The following LRP1B variants were observed in gnomAD, a reference collection of about 807,000 sequenced individuals.
The protein encoded by LRP1B is LDL receptor related protein 1B.
Under a neutral mutation model 556.6 loss-of-function variants are expected in LRP1B, and 217 were observed. The observed-to-expected ratio is 0.39, with a 90% CI of 0.35 to 0.44. The LOEUF (loss-of-function observed/expected upper bound fraction) is 0.44, where lower values mean the gene tolerates loss of function less well. Ranked by LOEUF, LRP1B falls within the 20% of genes least tolerant of loss-of-function variation. The probability of loss-of-function intolerance (pLI) is 1.00; values close to 1 mark genes in which losing one functional copy is unlikely to be tolerated. For missense variants in LRP1B, 5,053 were observed against 5,620.8 expected (o/e 0.90, Z 3.23); for synonymous variants, 2,047 against 1,865.8 (o/e 1.10, Z -2.50).
intron 3 of LRP1B, among the ~76,000 whole-genome samples, chr2:141,341,179 C>G (rs1431326437): frequency 6.6e-6 from 1 of 152,164 alleles, no homozygotes; most frequent in Admixed American, 6.5e-5. Context: ...GGCTAATCTG[C>G]AGATGAAGTA....
chr2:141,229,073 T>TA, intron 6 of LRP1B, 110 bp downstream of exon 6: 2 of 1,075,592 alleles, frequency 1.9e-6, no homozygotes, highest in Non-Finnish European at 2.8e-6. Flanking sequence ...TATTTGCACA[T>TA]ACAGCTTTCC....
In LRP1B at chr2:140,772,683, C is replaced by T. The variant is rs1448224014; in HGVS notation, c.5501-1677G>A. Among the ~76,000 whole-genome samples, 3 of 152,064 alleles carry T rather than the reference C, an allele frequency of 2.0e-5. No individual in the cohort carries two copies. The East Asian group carries it at 5.8e-4, about 29-fold the overall frequency. ...AAAGCATGGGTATATTAATGTAATG[C>T]CAATCTTTTAGAGAGTTGTATTGAG... On this transcript the variant is annotated intron_variant, in intron 33 of 90. Coordinates refer to ENST00000389484, the MANE Select transcript of LRP1B (RefSeq NM_018557.3).
intron 3 of LRP1B, among the ~76,000 whole-genome samples, chr2:141,255,139 G>A (rs534764199): frequency 6.6e-6 from 1 of 151,934 alleles, no homozygotes; most frequent in African/African-American, 2.4e-5. Flanking sequence ...CATTATATCT[G>A]AACTATTTGA....
At chr2:141,905,738 G>A (rs1443117937) in intron 1 of LRP1B, among the ~76,000 whole-genome samples, 1 of 146,870 alleles carries the variant, frequency 6.8e-6, no homozygotes, top group African/African-American at 2.5e-5. Flanking sequence ...CCATCTTACA[G>A]GGAGAAAATG....
chr2:140,320,546 G>A (rs1680056127), intron 82 of LRP1B, among the ~76,000 whole-genome samples: 2 of 152,042 alleles, frequency 1.3e-5, no homozygotes, highest in Non-Finnish European at 2.9e-5. Flanking sequence ...TACCTCATTG[G>A]AAAATGTTTG....
At chr2:141,645,188 ATTT>A (rs1378689099) in intron 2 of LRP1B, among the ~76,000 whole-genome samples, 1 of 152,068 alleles carries the variant, frequency 6.6e-6, no homozygotes, top group Admixed American at 6.6e-5. Context: ...AGGGCATTTC[ATTT>A]TCTTGGAAGA....
intron 66 of LRP1B, among the ~76,000 whole-genome samples, chr2:140,430,110 A>G (rs960670349): frequency 2.9e-4 from 44 of 151,838 alleles, no homozygotes; most frequent in African/African-American, 9.9e-4. Context: ...CCCTGATCAC[A>G]CTTGGTTTAT....
At chr2:141,376,075 C>T (rs533830054) in intron 3 of LRP1B, among the ~76,000 whole-genome samples, 4 of 152,280 alleles carry the variant, frequency 2.6e-5, no homozygotes, top group African/African-American at 9.6e-5. Flanking sequence ...AGTGCCATGT[C>T]TCCCTTCTCC....
At chr2:140,840,578 G>A (rs1414161490) in intron 30 of LRP1B, among the ~76,000 whole-genome samples, 1 of 152,140 alleles carries the variant, frequency 6.6e-6, no homozygotes, top group Non-Finnish European at 1.5e-5. Context: ...CAGTGACCAT[G>A]ATACCAACAT....
Position 141,162,677 on chromosome 2 carries a change from T to A in LRP1B, c.1013+25744A>T, listed in dbSNP as rs186386064. Among the ~76,000 whole-genome samples, 551 of 152,208 alleles carry A rather than the reference T, an allele frequency of 3.6e-3. 8 individuals are homozygous for A. Among genetic ancestry groups the A allele is most frequent in the African/African-American group, 0.013 (532 of 41,564 alleles). The stretch of plus-strand genomic sequence containing the variant: ...ATAACTAAAGAGACTTCAGTTTAAT[T>A]ATATTCTGGCTTTCCAAATTGGAAA... On this transcript the variant is annotated intron_variant, in intron 7 of 90. Transcript: ENST00000389484.
At position 141,486,968 on chromosome 2, in the gene LRP1B, A is replaced by T. The variant is rs138418940; in HGVS notation, c.206-6435T>A. Among the ~76,000 whole-genome samples the T allele has an allele frequency of 3.5e-3, 535 of 152,220 alleles. 5 individuals are homozygous for T. Among genetic ancestry groups the T allele is most frequent in the African/African-American group, 0.013 (523 of 41,544 alleles). On this transcript the variant is annotated intron_variant, in intron 2 of 90. Transcript: ENST00000389484. ...GCCAGAGACATGCGAAGTCCTCCAA[A>T]GACTGATCAGAATACCTCTCTCTTA...
At chr2:140,517,987 G>T (rs1467334304) in intron 49 of LRP1B, among the ~76,000 whole-genome samples, 1 of 152,008 alleles carries the variant, frequency 6.6e-6, no homozygotes, top group African/African-American at 2.4e-5. Context: ...GGGATTACAG[G>T]TGTGAGCCAC....
At chr2:141,865,249 T>G (rs1698369987) in intron 1 of LRP1B, among the ~76,000 whole-genome samples, 1 of 152,134 alleles carries the variant, frequency 6.6e-6, no homozygotes, top group African/African-American at 2.4e-5. Flanking sequence ...GAAGTATGTC[T>G]TCTAAGGGAT....
intron 1 of LRP1B, among the ~76,000 whole-genome samples, chr2:141,996,721 C>CA (rs1384871872): frequency 6.7e-6 from 1 of 149,814 alleles, no homozygotes; most frequent in Non-Finnish European, 1.5e-5. Context: ...TTTCCCCCCC[C>CA]CTACAAACTA....
Position 140,702,360 on chromosome 2 carries a change from A to T in LRP1B, c.6150+67T>A, listed in dbSNP as rs75779136. On this transcript the variant is annotated intron_variant, in intron 38 of 90. Transcript: ENST00000389484. ...TGTTTTATTAAGAAAATAAAGGAACACTAAAAGTAGGTAAATTAAAGTTGT... is the reference window on the plus strand; with the variant it reads ...TGTTTTATTAAGAAAATAAAGGAACTCTAAAAGTAGGTAAATTAAAGTTGT... The T allele has an allele frequency of 8.7e-4, 1,401 of 1,606,690 alleles. 11 individuals are homozygous for T. The African/African-American group carries it at 0.013, about 15-fold the overall frequency.
At chr2:140,469,042 G>C (rs1280058453) in intron 60 of LRP1B, among the ~76,000 whole-genome samples, 1 of 152,166 alleles carries the variant, frequency 6.6e-6, no homozygotes, top group Admixed American at 6.5e-5. Context: ...GTTGGAACAA[G>C]TTAAGAATTT....
At chr2:140,867,490 T>A (rs1402717255) in intron 27 of LRP1B, 100 bp downstream of exon 27, 1 of 1,307,406 alleles carries the variant, frequency 7.6e-7, no homozygotes, top group Admixed American at 2.6e-5. Context: ...AAAATGTCAA[T>A]AACTTTTAAC....
chr2:140,918,783 C>A (rs180725852), intron 21 of LRP1B, among the ~76,000 whole-genome samples: 1 of 152,104 alleles, frequency 6.6e-6, no homozygotes, highest in East Asian at 1.9e-4. Context: ...AGAAGATTGC[C>A]ATCTGCAAAC....
At chr2:140,386,471 C>T (rs16843878) in intron 66 of LRP1B, among the ~76,000 whole-genome samples, 13,378 of 152,246 alleles carry the variant, frequency 0.088, 697 homozygotes, top group Middle Eastern at 0.14. Context: ...TTATTCGTAA[C>T]TGATCTGTGA....
Sources: gnomAD v4.1 joint callset for allele counts (sites outside exome capture counted in the v4.1 genomes callset) on GRCh38, gnomAD v4.1.1 for gene constraint, MANE v1.5 for transcripts, NCBI Gene and HGNC (gene_info 2026-07-23, HGNC 2026-07-21) for gene names.